The following ALK variants were observed in gnomAD, a reference collection of about 807,000 sequenced individuals.
The protein encoded by ALK is ALK tyrosine kinase receptor.
A neutral mutation model predicts 163.1 loss-of-function variants in ALK; 74 were observed. That is an observed-to-expected ratio of 0.45 (90% confidence interval 0.38 to 0.55). ALK has a LOEUF of 0.55. Ranked by LOEUF, ALK falls within the 20% of genes least tolerant of loss-of-function variation. ALK has a pLI of 0.00. For missense variants in ALK, 2,063 were observed against 2,105.3 expected (o/e 0.98, Z 0.39); for synonymous variants, 960 against 843.2 (o/e 1.14, Z -2.40).
intron 4 of ALK, among the ~76,000 whole-genome samples, chr2:29,461,922 T>A (rs2148103222): frequency 6.6e-6 from 1 of 152,266 alleles, no homozygotes; most frequent in East Asian, 1.9e-4. Flanking sequence ...TCATTAAGAA[T>A]ATTTTTGATT....
rs74711070 is a variant in ALK at position 29,890,140 on chromosome 2, C to T, written c.667+29853G>A. 6.4e-3 allele frequency among the ~76,000 whole-genome samples: 976 copies of T among 152,270 alleles called. 10 individuals are homozygous for T. The highest frequency in any genetic ancestry group is 0.022 in the African/African-American group (932 of 41,552). Reference sequence around the variant, plus strand: ...TGACAATTGACTCTATGCCCTCTGCCCCTTAGCACTTTGGTTTTGCTGTTT... The same window carrying T: ...TGACAATTGACTCTATGCCCTCTGCTCCTTAGCACTTTGGTTTTGCTGTTT... On this transcript the variant is annotated intron_variant, in intron 1 of 28. Coordinates refer to ENST00000389048, the MANE Select transcript of ALK (RefSeq NM_004304.5).
In ALK at chr2:29,251,263, A is replaced by G. The variant is rs1664810209; in HGVS notation, c.2046T>C (p.His682=). The change falls in exon 12 of 29, where the codon CAT becomes CAC. Residue 682 remains histidine, a synonymous_variant. Coordinates refer to ENST00000389048, the MANE Select transcript of ALK (RefSeq NM_004304.5). ...RQTPIFDPTV[H]WLFTTCGASG... The stretch of plus-strand genomic sequence containing the variant: ...TGGCCCCACATGTGGTGAACAGCCA[A>G]TGAACTGTGGCACAAGAGGAGAGGC... 2.5e-6 allele frequency: 4 copies of G among 1,613,490 alleles called. No individual in the cohort carries two copies. The highest frequency in any genetic ancestry group is 3.4e-6 in the Non-Finnish European group (4 of 1,179,830).
chr2:29,312,367 G>A (rs897009984), intron 8 of ALK, among the ~76,000 whole-genome samples: 11 of 151,826 alleles, frequency 7.2e-5, no homozygotes, highest in Non-Finnish European at 1.2e-4. Context: ...ACAGTGGGTC[G>A]CTATACTCAA....
At chr2:29,485,557 C>A (rs757248983) in intron 4 of ALK, among the ~76,000 whole-genome samples, 1 of 152,168 alleles carries the variant, frequency 6.6e-6, no homozygotes, top group Non-Finnish European at 1.5e-5. Flanking sequence ...ATAAAAATTT[C>A]TATTAATCTG....
At chr2:29,878,689 G>A (rs1666782787) in intron 1 of ALK, among the ~76,000 whole-genome samples, 1 of 152,176 alleles carries the variant, frequency 6.6e-6, no homozygotes, top group Non-Finnish European at 1.5e-5. Flanking sequence ...TAAAGGAACT[G>A]TCATCTCATG....
intron 3 of ALK, among the ~76,000 whole-genome samples, chr2:29,641,492 A>G (rs563874815): frequency 1.2e-4 from 19 of 152,274 alleles, no homozygotes; most frequent in African/African-American, 4.3e-4. Flanking sequence ...GGGCCCTGAG[A>G]CAGACACTAA....
chr2:29,670,705 T>C (rs1234556198), intron 3 of ALK, among the ~76,000 whole-genome samples: 1 of 152,094 alleles, frequency 6.6e-6, no homozygotes, highest in Non-Finnish European at 1.5e-5. Context: ...TTTGTTCTTT[T>C]TTCTTTGACT....
chr2:29,736,065 C>T (rs780872795), intron 1 of ALK, among the ~76,000 whole-genome samples: 1 of 152,030 alleles, frequency 6.6e-6, no homozygotes, highest in Non-Finnish European at 1.5e-5. Flanking sequence ...AATGACAGCC[C>T]AGGAAGTCTT....
intron 4 of ALK, among the ~76,000 whole-genome samples, chr2:29,452,112 C>T (rs1230134338): frequency 3.3e-5 from 5 of 152,158 alleles, no homozygotes; most frequent in African/African-American, 7.2e-5. Context: ...GCTTCGAAAA[C>T]GTCCCCACTC....
At chr2:29,619,525 A>G (rs1318000418) in intron 3 of ALK, among the ~76,000 whole-genome samples, 1 of 152,040 alleles carries the variant, frequency 6.6e-6, no homozygotes, top group Non-Finnish European at 1.5e-5. Flanking sequence ...CTCCCTGACA[A>G]CACCATTGAA....
chr2:29,271,642 G>A (rs549396073), intron 11 of ALK, among the ~76,000 whole-genome samples: 6 of 152,338 alleles, frequency 3.9e-5, no homozygotes, highest in African/African-American at 1.2e-4. Context: ...GACTTGCCCC[G>A]ATGGGAGGAC....
intron 9 of ALK, among the ~76,000 whole-genome samples, chr2:29,290,849 A>G (rs1369878607): frequency 6.6e-6 from 1 of 152,126 alleles, no homozygotes; most frequent in African/African-American, 2.4e-5. Context: ...AGGGGACACA[A>G]TGGCCTGGAA....
At chr2:29,220,555 C>A (rs2148165833) in intron 23 of ALK, 151 bp downstream of exon 23, 1 of 1,102,828 alleles carries the variant, frequency 9.1e-7, no homozygotes. Context: ...CCATTCTCTT[C>A]CAGCCAGTCA....
intron 1 of ALK, among the ~76,000 whole-genome samples, chr2:29,736,603 A>G (rs1219166504): frequency 6.6e-6 from 1 of 152,110 alleles, no homozygotes; most frequent in African/African-American, 2.4e-5. Flanking sequence ...AAGAGGACCA[A>G]GATTAAGGCT....
intron 1 of ALK, among the ~76,000 whole-genome samples, chr2:29,736,751 G>C (rs1359870465): frequency 6.6e-6 from 1 of 151,836 alleles, no homozygotes; most frequent in Non-Finnish European, 1.5e-5. Context: ...ACAAGACATA[G>C]AAAAAAATGC....
intron 19 of ALK, among the ~76,000 whole-genome samples, chr2:29,224,341 C>T (rs1158573387): frequency 6.6e-6 from 1 of 152,144 alleles, no homozygotes; most frequent in African/African-American, 2.4e-5. Context: ...CTGCAGTTTC[C>T]CTCTCTGTAG....
intron 5 of ALK, among the ~76,000 whole-genome samples, chr2:29,375,387 C>T (rs752446102): frequency 7.9e-5 from 12 of 152,146 alleles, no homozygotes; most frequent in Admixed American, 2.0e-4. Flanking sequence ...GGCACCACCT[C>T]GGCTCACTGC....
chr2:29,723,265 C>G (rs1679472687), intron 1 of ALK, among the ~76,000 whole-genome samples: 1 of 152,218 alleles, frequency 6.6e-6, no homozygotes, highest in African/African-American at 2.4e-5. Context: ...CATTCCCACC[C>G]CAGGGCCTTT....
At chr2:29,843,146 T>C (rs1001874607) in intron 1 of ALK, among the ~76,000 whole-genome samples, 1 of 151,880 alleles carries the variant, frequency 6.6e-6, no homozygotes, top group Non-Finnish European at 1.5e-5. Context: ...TTAGGTTGTG[T>C]TCATGGAGAG....
Sources: gnomAD v4.1 joint callset for allele counts (sites outside exome capture counted in the v4.1 genomes callset) on GRCh38, gnomAD v4.1.1 for gene constraint, MANE v1.5 for transcripts, NCBI Gene and HGNC (gene_info 2026-07-23, HGNC 2026-07-21) for gene names.